Variants in PPDPFL observed in about 807,000 individuals in gnomAD.
PPDPFL encodes pancreatic progenitor cell differentiation and proliferation factor-like protein.
In PPDPFL, 12 loss-of-function variants were observed where a neutral mutation model predicts 12.6. That is an observed-to-expected ratio of 0.95 (90% confidence interval 0.61 to 1.54). PPDPFL has a LOEUF of 1.54. Among genes scored for constraint, PPDPFL ranks in the 40% most tolerant of loss-of-function variants. The probability of loss-of-function intolerance (pLI) is 0.00; values close to 1 mark genes in which losing one functional copy is unlikely to be tolerated. For missense variants in PPDPFL, 114 were observed against 96.0 expected, an observed-to-expected ratio of 1.19 and a Z score of -0.78; for synonymous variants, 24 against 32.7, an observed-to-expected ratio of 0.73 and a Z score of 0.91.
intron 1 of PPDPFL, among the ~76,000 whole-genome samples, chr8:49,058,825 T>A (rs1808150241): frequency 6.6e-6 from 1 of 152,190 alleles, no homozygotes; most frequent in African/African-American, 2.4e-5. Flanking sequence ...TCATTGTGCA[T>A]CTCCTCAGAG....
upstream of PPDPFL, among the ~76,000 whole-genome samples, chr8:49,071,423 T>G (rs4873308): frequency 6.6e-6 from 1 of 151,962 alleles, no homozygotes; most frequent in Non-Finnish European, 1.5e-5. Context: ...TTTGGGAGGC[T>G]GAGGCGGGTG....
chr8:49,067,443 C>T (rs112018857), upstream of PPDPFL, among the ~76,000 whole-genome samples: 450 of 152,252 alleles, frequency 3.0e-3, 2 homozygotes, highest in African/African-American at 0.01. Flanking sequence ...ATTTTATAAC[C>T]GCAGATTAGA....
At chr8:49,068,601 A>C (rs1440586649), upstream of PPDPFL, among the ~76,000 whole-genome samples, 1 of 152,186 alleles carries the variant, frequency 6.6e-6, no homozygotes, top group Non-Finnish European at 1.5e-5. Context: ...GAAATAAAGC[A>C]ACAAAATTTA....
In PPDPFL at chr8:49,055,834, C is replaced by T. The variant is rs531646905; in HGVS notation, c.-45+1465C>T. On this transcript the variant is annotated intron_variant, in intron 1 of 4. Coordinates refer to the PPDPFL transcript ENST00000517663. The stretch of plus-strand genomic sequence containing the variant: ...TTGCCTAGGTGGAAAATCTAGTAGC[C>T]ACTCTTGTTTTTTAAACATACTTTC... Among the ~76,000 whole-genome samples the T allele has an allele frequency of 1.1e-4, 16 of 152,066 alleles. No homozygotes were observed. In the South Asian group the frequency reaches 3.3e-3, roughly 32 times the overall value.
At chr8:49,061,268 C>T (rs1808197918) in intron 1 of PPDPFL, among the ~76,000 whole-genome samples, 1 of 152,076 alleles carries the variant, frequency 6.6e-6, no homozygotes, top group Non-Finnish European at 1.5e-5. Context: ...TGCAATACAA[C>T]TGGGGTCCTC....
At position 49,075,181 on chromosome 8, in the gene PPDPFL, T is replaced by C. The variant is rs546327722; in HGVS notation, c.*8T>C. ...CAGATGAGCACTTTGTAGCTGATCA[T>C]CTTTGCACTGCCATTTGATGAACAT... is the stretch of plus-strand genomic sequence containing the variant. On this transcript the variant is annotated 3_prime_UTR_variant, in exon 5 of 5. Coordinates refer to ENST00000522267, the MANE Select transcript of PPDPFL (RefSeq NM_001256597.2). 2.5e-6 allele frequency: 4 copies of C among 1,613,886 alleles called. No individual in the cohort carries two copies. The South Asian group carries it at 4.4e-5, about 18-fold the overall frequency.
At chr8:49,066,607 A>G (rs1808304860) in intron 1 of PPDPFL, among the ~76,000 whole-genome samples, 1 of 152,168 alleles carries the variant, frequency 6.6e-6, no homozygotes, top group Non-Finnish European at 1.5e-5. Flanking sequence ...CCAGTCTCTC[A>G]TCCCCCAAGA....
At chr8:49,057,709 C>T (rs1390071562) in intron 1 of PPDPFL, among the ~76,000 whole-genome samples, 1 of 152,132 alleles carries the variant, frequency 6.6e-6, no homozygotes, top group East Asian at 1.9e-4. Context: ...ATGAAGTTCA[C>T]TGAAGGAAGC....
intron 1 of PPDPFL, among the ~76,000 whole-genome samples, chr8:49,057,536 G>A (rs1808130700): frequency 1.3e-5 from 2 of 152,212 alleles, no homozygotes; most frequent in Admixed American, 1.3e-4. Context: ...TGCAAAAAGG[G>A]TGTGCTATTT....
chr8:49,072,843 C>A lies in PPDPFL; in HGVS notation c.13C>A (p.Pro5Thr). The A allele has an allele frequency of 6.2e-7, 1 of 1,606,392 alleles. No individual in the cohort carries two copies. The highest frequency in any genetic ancestry group is 8.5e-7 in the Non-Finnish European group (1 of 1,177,026). Reference protein sequence around the residue: MASVPSIGCLLARNQ... With the variant: MASVTSIGCLLARNQ... ...CACGGGTAAAGCCATGGCATCCGTA[C>A]CTTCCATTGGTTGCCTTCTAGCCAG... Residue 5 changes from proline to threonine, a missense_variant, in exon 2 of 5, where the codon CCT (proline) becomes ACT (threonine). Coordinates refer to ENST00000522267, the MANE Select transcript of PPDPFL (RefSeq NM_001256597.2).
At chr8:49,058,661 A>G (rs953296194) in intron 1 of PPDPFL, among the ~76,000 whole-genome samples, 2 of 152,252 alleles carry the variant, frequency 1.3e-5, no homozygotes, top group Admixed American at 1.3e-4. Flanking sequence ...TTAAAAAGTT[A>G]CTTCAGCGAA....
upstream of PPDPFL, among the ~76,000 whole-genome samples, chr8:49,070,812 T>C (rs556165247): frequency 9.2e-5 from 14 of 152,318 alleles, no homozygotes; most frequent in African/African-American, 3.4e-4. Context: ...AAATGATTAC[T>C]ACACTCAAGC....
chr8:49,067,754 C>T (rs1388143425), upstream of PPDPFL, among the ~76,000 whole-genome samples: 4 of 152,204 alleles, frequency 2.6e-5, no homozygotes, highest in African/African-American at 9.6e-5. Context: ...CTTTCTCAAC[C>T]ATTTAAGAGG....
intron 1 of PPDPFL, among the ~76,000 whole-genome samples, chr8:49,057,472 CAA>C (rs1324301766): frequency 1.3e-5 from 2 of 151,994 alleles, no homozygotes; most frequent in Non-Finnish European, 2.9e-5. Flanking sequence ...TTATATTTTA[CAA>C]AATAATATGA....
At chr8:49,065,623 A>G (rs1366629780) in intron 1 of PPDPFL, among the ~76,000 whole-genome samples, 1 of 152,228 alleles carries the variant, frequency 6.6e-6, no homozygotes, top group East Asian at 1.9e-4. Context: ...GGGCTCAGGA[A>G]AAAGGGCAAA....
At chr8:49,055,527 C>T (rs1808099444) in intron 1 of PPDPFL, among the ~76,000 whole-genome samples, 1 of 152,046 alleles carries the variant, frequency 6.6e-6, no homozygotes, top group African/African-American at 2.4e-5. Flanking sequence ...TCAGGTAATC[C>T]CATTTAGACT....
chr8:49,059,452 A>G (rs943026336), intron 1 of PPDPFL, among the ~76,000 whole-genome samples: 2 of 152,214 alleles, frequency 1.3e-5, no homozygotes, highest in African/African-American at 2.4e-5. Flanking sequence ...GATTCATGGA[A>G]GAACACTAAA....
intron 1 of PPDPFL, among the ~76,000 whole-genome samples, chr8:49,063,517 C>T (rs1026744549): frequency 3.3e-5 from 5 of 151,976 alleles, no homozygotes; most frequent in Admixed American, 1.3e-4. Context: ...CCCAGGATTT[C>T]GAGACCAGCC....
chr8:49,069,428 T>C (rs1402319638), upstream of PPDPFL, among the ~76,000 whole-genome samples: 1 of 152,088 alleles, frequency 6.6e-6, no homozygotes, highest in Non-Finnish European at 1.5e-5. Flanking sequence ...TCAGAAATTA[T>C]CTCATGACAA....
Sources: gnomAD v4.1 joint callset for allele counts (sites outside exome capture counted in the v4.1 genomes callset) on GRCh38, gnomAD v4.1.1 for gene constraint, MANE v1.5 for transcripts, NCBI Gene and HGNC (gene_info 2026-07-23, HGNC 2026-07-21) for gene names.